XXYLT1: variants seen among roughly 807,000 people sequenced by gnomAD.
XXYLT1 encodes UDP-xylose:alpha-xyloside alpha-1,3-xylosyltransferase.
In XXYLT1, 20 loss-of-function variants were observed where a neutral mutation model predicts 28.9. The ratio of observed to expected loss-of-function variants is 0.69; its 90% CI spans 0.49 to 1.00. XXYLT1 has a LOEUF of 1.00. Among genes scored for constraint, XXYLT1 ranks in the 50% least tolerant of loss-of-function variants. The pLI is 0.00. For missense variants in XXYLT1, 542 were observed against 560.1 expected (o/e 0.97, Z 0.33); for synonymous variants, 257 against 253.8 (o/e 1.01, Z -0.12).
At chr3:195,164,390 C>G (rs891299288) in intron 2 of XXYLT1, among the ~76,000 whole-genome samples, 12 of 152,228 alleles carry the variant, frequency 7.9e-5, no homozygotes, top group Admixed American at 6.5e-5. Context: ...CTCAGCTGTC[C>G]CCAGTTGGTC....
chr3:195,219,447 C>T (rs931170861), intron 2 of XXYLT1, among the ~76,000 whole-genome samples: 1 of 152,068 alleles, frequency 6.6e-6, no homozygotes, highest in African/African-American at 2.4e-5. Context: ...CTGCAAAAGG[C>T]CACACACACA....
At chr3:195,259,727 GC>G in intron 1 of XXYLT1, 1 of 952,426 alleles carries the variant, frequency 1.0e-6, no homozygotes. Flanking sequence ...CCCGGAGCCG[GC>G]CTCTGGCGGC....
At chr3:195,081,240 T>C (rs752115001) in intron 3 of XXYLT1, among the ~76,000 whole-genome samples, 1 of 152,104 alleles carries the variant, frequency 6.6e-6, no homozygotes, top group Non-Finnish European at 1.5e-5. Flanking sequence ...AGCGTTTTTA[T>C]GATTTTTATA....
At chr3:195,251,256 T>C (rs1355777037) in intron 1 of XXYLT1, among the ~76,000 whole-genome samples, 2 of 152,226 alleles carry the variant, frequency 1.3e-5, no homozygotes, top group African/African-American at 4.8e-5. Context: ...GACCACTTGC[T>C]AACTGCAAAA....
chr3:195,104,392 T>C (rs916877142), intron 3 of XXYLT1, among the ~76,000 whole-genome samples: 2 of 152,076 alleles, frequency 1.3e-5, no homozygotes, highest in African/African-American at 2.4e-5. Context: ...AGTTCTTCTT[T>C]CTACAATACT....
In XXYLT1 at chr3:195,168,527, C is replaced by T. The variant is rs1721239645; in HGVS notation, c.653-11946G>A. Among the ~76,000 whole-genome samples the T allele has an allele frequency of 6.6e-6, 1 of 152,194 alleles. No homozygotes were observed. The highest frequency in any genetic ancestry group is 2.1e-4 in the South Asian group (1 of 4,830). On this transcript the variant is annotated intron_variant, in intron 2 of 3. Transcript: ENST00000310380. This position sits in a 1 kb window ranked among gnomAD's most constrained non-coding sequence, Gnocchi z 4.3. ...GCAGCTGCTTCCATCCTACCCTGGT[C>T]CTGAGGGCAGCAGCCCTGCTCCCCA...
chr3:195,226,624 A>G, intron 2 of XXYLT1, 85 bp downstream of exon 2: 3 of 1,508,284 alleles, frequency 2.0e-6, no homozygotes, highest in Non-Finnish European at 2.7e-6. Flanking sequence ...TCTCCCTGAT[A>G]CAGGGCCTGG....
intron 1 of XXYLT1, among the ~76,000 whole-genome samples, chr3:195,268,804 G>A (rs1268739540): frequency 1.3e-5 from 2 of 152,166 alleles, no homozygotes; most frequent in Non-Finnish European, 2.9e-5. Context: ...GGGGTAGTCC[G>A]AGCATGAAAC....
rs997154876 is a variant in XXYLT1, at chr3:195,263,468, G to A, written c.504+7087C>T. ...CCTGGGTTATATCTCTTGGGAGGGA[G>A]CGAGTTCTCACTCTCACTCACGGCA... On this transcript the variant is annotated intron_variant, in intron 1 of 3. Coordinates refer to ENST00000310380, the MANE Select transcript of XXYLT1 (RefSeq NM_152531.5). Among the ~76,000 whole-genome samples the A allele has an allele frequency of 1.3e-5, 2 of 152,132 alleles. 1 individual carries two copies. Among genetic ancestry groups the A allele is most frequent in the African/African-American group, 4.8e-5 (2 of 41,402 alleles).
At chr3:195,087,227 C>T (rs955824674) in intron 3 of XXYLT1, 1 of 152,404 alleles carries the variant, frequency 6.6e-6, no homozygotes, top group Non-Finnish European at 1.5e-5. Context: ...TGCGTGTGGC[C>T]CTGGAGCTCC....
chr3:195,161,623 T>C (rs951863047), intron 2 of XXYLT1, among the ~76,000 whole-genome samples: 6 of 148,936 alleles, frequency 4.0e-5, no homozygotes, highest in African/African-American at 1.5e-4. Flanking sequence ...ATGAGATATA[T>C]AGATATATAG....
chr3:195,217,652 G>T (rs2108789442), intron 2 of XXYLT1, among the ~76,000 whole-genome samples: 1 of 148,114 alleles, frequency 6.8e-6, no homozygotes, highest in East Asian at 2.0e-4. Context: ...CACTGCTCAA[G>T]GAAATAAAAG....
At chr3:195,258,203 G>A (rs1725549219) in intron 1 of XXYLT1, among the ~76,000 whole-genome samples, 1 of 152,192 alleles carries the variant, frequency 6.6e-6, no homozygotes, top group Admixed American at 6.5e-5. Context: ...CTTCAGTGAG[G>A]CAACAGCCAC....
intron 2 of XXYLT1, among the ~76,000 whole-genome samples, chr3:195,203,483 A>C (rs1300165068): frequency 6.6e-6 from 1 of 152,048 alleles, no homozygotes; most frequent in African/African-American, 2.4e-5. Context: ...TGCCACCCCC[A>C]GGCTTGGGAC....
At chr3:195,136,504 C>G (rs1425588796) in intron 3 of XXYLT1, among the ~76,000 whole-genome samples, 2 of 152,158 alleles carry the variant, frequency 1.3e-5, no homozygotes, top group Non-Finnish European at 2.9e-5. Context: ...GCCCAGGAAC[C>G]TGGGTTCTAG....
chr3:195,270,581 G>T lies in XXYLT1; in HGVS notation c.478C>A (p.Pro160Thr). The change falls in exon 1 of 4, where the codon CCG becomes ACG. Residue 160 changes from proline (P) to threonine (T), a missense_variant. Physicochemically the swap from Pro to Thr is conservative, Grantham distance 38. Transcript: ENST00000310380. ...VAKGLLRELL[P>T]PAAGFKCKVI... Reference sequence around the variant, plus strand: ...TTGCACTTGAAGCCAGCGGCGGGCGGCAGGAGCTCCCGCAGCAGGCCCTTG... The same window carrying T: ...TTGCACTTGAAGCCAGCGGCGGGCGTCAGGAGCTCCCGCAGCAGGCCCTTG... 1 of 1,385,670 alleles carries T rather than the reference G, an allele frequency of 7.2e-7. No homozygotes were observed. The allele number at this position is 1,385,670 out of a possible 1,614,324, so 85.8% of individuals were successfully genotyped here.
chr3:195,238,385 G>A (rs541082966), intron 1 of XXYLT1, among the ~76,000 whole-genome samples: 45 of 152,260 alleles, frequency 3.0e-4, no homozygotes, highest in African/African-American at 1.0e-3. Context: ...TGCATCGCAT[G>A]GGGGCTCCAC....
Position 195,129,478 on chromosome 3 carries a change from G to A in XXYLT1, c.785+26971C>T, listed in dbSNP as rs181792150. Among the ~76,000 whole-genome samples the A allele has an allele frequency of 2.0e-5, 3 of 152,240 alleles. No homozygotes were observed. Among genetic ancestry groups the A allele is most frequent in the Admixed American group, 6.5e-5 (1 of 15,286 alleles). ...TTCTGGATATTTCATCTCAATGGAC[G>A]CATATAGTGCGGTCTTCTGTGACGG... is the stretch of plus-strand genomic sequence containing the variant. On this transcript the variant is annotated intron_variant, in intron 3 of 3. Coordinates refer to ENST00000310380, the MANE Select transcript of XXYLT1 (RefSeq NM_152531.5). The surrounding 1 kb of genome is among the most constrained non-coding windows in gnomAD (Gnocchi z 4.4).
intron 3 of XXYLT1, among the ~76,000 whole-genome samples, chr3:195,120,118 G>C (rs554284336): frequency 1.6e-3 from 242 of 152,304 alleles, no homozygotes; most frequent in African/African-American, 5.6e-3. Flanking sequence ...TCTGTCTTCA[G>C]CCTAAGGCCT....
Sources: gnomAD v4.1 joint callset for allele counts (sites outside exome capture counted in the v4.1 genomes callset) on GRCh38, gnomAD v4.1.1 for gene constraint, Gnocchi (gnomAD v3.1) non-coding constraint, MANE v1.5 for transcripts, NCBI Gene and HGNC (gene_info 2026-07-23, HGNC 2026-07-21) for gene names.